TRANK1: variants seen among roughly 807,000 people sequenced by gnomAD.
TRANK1 encodes the protein TPR and ankyrin repeat-containing protein 1.
Under a neutral mutation model 266.0 loss-of-function variants are expected in TRANK1, and 198 were observed. The observed-to-expected ratio is 0.74, with a 90% confidence interval of 0.66 to 0.84. TRANK1 has a LOEUF of 0.84. TRANK1 is among the 40% of genes least tolerant of loss of function. The probability of loss-of-function intolerance (pLI) is 0.00; values close to 1 mark genes in which losing one functional copy is unlikely to be tolerated. For missense variants in TRANK1, 3,326 were observed against 3,634.6 expected (o/e 0.92, Z 2.18); for synonymous variants, 1,396 against 1,384.1 (o/e 1.01, Z -0.19).
intron 15 of TRANK1, chr3:36,851,067 T>C (rs1055420412): frequency 3.0e-6 from 3 of 985,316 alleles, no homozygotes; most frequent in Non-Finnish European, 1.2e-6. Context: ...CTACCCATAA[T>C]GAACTAAGCT....
chr3:36,897,460 C>G (rs1473320133), intron 4 of TRANK1, among the ~76,000 whole-genome samples: 1 of 152,188 alleles, frequency 6.6e-6, no homozygotes, highest in Non-Finnish European at 1.5e-5. Flanking sequence ...GACATGGCTG[C>G]ACCTGCCTCT....
chr3:36,894,713 T>C (rs1385469051), intron 5 of TRANK1, among the ~76,000 whole-genome samples: 1 of 152,190 alleles, frequency 6.6e-6, no homozygotes, highest in African/African-American at 2.4e-5. Context: ...TTGCCCAAAA[T>C]TTAAGAATTC....
intron 8 of TRANK1, among the ~76,000 whole-genome samples, chr3:36,875,928 T>C (rs553780020): frequency 6.6e-6 from 1 of 152,358 alleles, no homozygotes; most frequent in Non-Finnish European, 1.5e-5. Flanking sequence ...ATTTCCATTC[T>C]ATTAAATACA....
chr3:36,928,674 C>T (rs1032623138), intron 1 of TRANK1, among the ~76,000 whole-genome samples: 4 of 151,990 alleles, frequency 2.6e-5, no homozygotes, highest in South Asian at 2.1e-4. Context: ...ATAAGAAGAA[C>T]ATTAATTTTG....
In TRANK1 at chr3:36,833,225, A is replaced by C; in HGVS notation, c.6358T>G (p.Ser2120Ala). The change falls in exon 22 of 24, where the codon TCC (serine) becomes GCC (alanine). Residue 2120 changes from serine to alanine, a missense_variant. Ser to Ala is a moderately conservative substitution (Grantham distance 99). Transcript: ENST00000645898. ...TGGCAATACTTGGCATCCACCTGGG[A>C]AATCCCAAAAAACTCAAAGCAAGAT... ...VKSCFEFFGI[S>A]QVDAKYCQIA... 6.2e-7 allele frequency: 1 copy of C among 1,614,016 alleles called. No homozygotes were observed. The highest frequency in any genetic ancestry group is 8.5e-7 in the Non-Finnish European group (1 of 1,179,894).
intron 9 of TRANK1, among the ~76,000 whole-genome samples, chr3:36,865,914 G>A (rs957039949): frequency 2.0e-5 from 3 of 150,546 alleles, no homozygotes; most frequent in Non-Finnish European, 4.4e-5. Context: ...GGGCAACAGA[G>A]CAAGACCCTG....
chr3:36,924,342 G>A (rs2080258828), intron 1 of TRANK1, among the ~76,000 whole-genome samples: 1 of 152,140 alleles, frequency 6.6e-6, no homozygotes, highest in African/African-American at 2.4e-5. Context: ...TTTTCATCTT[G>A]GCAGGATGTC....
chr3:36,855,699 G>A lies in TRANK1; in HGVS notation c.4023C>T (p.Tyr1341=), dbSNP rs1164830208. The change falls in exon 13 of 24, where the codon TAC becomes TAT. Residue 1341 remains tyrosine, a synonymous_variant. Coordinates refer to ENST00000645898, the MANE Select transcript of TRANK1 (RefSeq NM_001329998.2). Reference sequence around the variant, plus strand: ...TTTCTTTCCAAATCAGTGCAGGGTTGTAGGCAGTCCTCCCTTTGGTCATTT... The same window carrying A: ...TTTCTTTCCAAATCAGTGCAGGGTTATAGGCAGTCCTCCCTTTGGTCATTT... The part of the protein sequence containing the change: ...WPKMTKGRTA[Y]NPALIWKEIK... The A allele has an allele frequency of 6.2e-7, 1 of 1,613,726 alleles. No homozygotes were observed. The highest frequency in any genetic ancestry group is 8.5e-7 in the Non-Finnish European group (1 of 1,179,872).
rs2079072014 is a variant in TRANK1, at chr3:36,857,366, C to T, written c.2356G>A (p.Val786Met). 7 of 1,607,924 alleles carry T rather than the reference C, an allele frequency of 4.4e-6. No individual in the cohort carries two copies. The highest frequency in any genetic ancestry group is 5.9e-6 in the Non-Finnish European group (7 of 1,177,134). ...CCCACCTGAGCATGTCCTTCCCCCACCTCACTACAGTCAGGGGCCCCTGCA... is the reference window on the plus strand; with the variant it reads ...CCCACCTGAGCATGTCCTTCCCCCATCTCACTACAGTCAGGGGCCCCTGCA... ...LGAGAPDCSE[V>M]GEGHAQVGLG... The change falls in exon 13 of 24, where the codon GTG (valine) becomes ATG (methionine). Residue 786 changes from valine (V) to methionine (M), a missense_variant. Coordinates refer to ENST00000645898, the MANE Select transcript of TRANK1 (RefSeq NM_001329998.2). This position sits in a 1 kb window ranked among gnomAD's most constrained non-coding sequence, Gnocchi z 4.3.
intron 2 of TRANK1, among the ~76,000 whole-genome samples, chr3:36,905,444 C>T (rs775501171): frequency 6.6e-6 from 1 of 152,172 alleles, no homozygotes; most frequent in Non-Finnish European, 1.5e-5. Context: ...AGCTTGCTCT[C>T]TCCTCTTTGC....
At chr3:36,934,543 A>G (rs2080398709) in intron 1 of TRANK1, among the ~76,000 whole-genome samples, 1 of 152,164 alleles carries the variant, frequency 6.6e-6, no homozygotes, top group African/African-American at 2.4e-5. Context: ...CACATTAGAC[A>G]AGGGTCTATA....
intron 9 of TRANK1, among the ~76,000 whole-genome samples, chr3:36,870,962 T>TAAAAAAA (rs563787088): frequency 1.0e-3 from 67 of 65,042 alleles, no homozygotes; most frequent in Non-Finnish European, 1.4e-3. Context: ...ACAAGGAAAC[T>TAAAAAAA]AAAAAAAAAA....
In TRANK1 at chr3:36,828,238, T is replaced by A; in HGVS notation, c.*37A>T. 1.4e-6 allele frequency: 2 copies of A among 1,466,332 alleles called. No individual in the cohort carries two copies. The highest frequency in any genetic ancestry group is 1.9e-6 in the Non-Finnish European group (2 of 1,055,226). 90.8% of individuals were successfully genotyped at this position (1,466,332 alleles called of 1,614,324 possible). A position where few individuals can be genotyped will look rare whatever the true frequency, so the allele number is the denominator to read the frequency against. ...CTCAGAATTCTAAGTCAGAATGGAA[T>A]GTTCCGAAGGATGAGGAGGCTGCAG... On this transcript the variant is annotated 3_prime_UTR_variant, in exon 24 of 24. Coordinates refer to ENST00000645898, the MANE Select transcript of TRANK1 (RefSeq NM_001329998.2).
chr3:36,854,616 G>T (rs1233677418), intron 13 of TRANK1, among the ~76,000 whole-genome samples: 1 of 152,138 alleles, frequency 6.6e-6, no homozygotes, highest in Admixed American at 6.5e-5. Flanking sequence ...TTGTAAAATG[G>T]GTCTGATGCT....
At chr3:36,922,204 A>T (rs2080225428) in intron 1 of TRANK1, among the ~76,000 whole-genome samples, 1 of 152,160 alleles carries the variant, frequency 6.6e-6, no homozygotes, top group South Asian at 2.1e-4. Context: ...GCTCTGTGAC[A>T]GTTACTATTC....
Position 36,831,075 on chromosome 3 carries a change from T to C in TRANK1, c.8508A>G (p.Lys2836=), listed in dbSNP as rs1391965969. ...CCTTCTCGTGGAAAAATTCTGAGTATTTCTGGTAGGCCACTTGCTGCCTCT... is the reference window on the plus strand; with the variant it reads ...CCTTCTCGTGGAAAAATTCTGAGTACTTCTGGTAGGCCACTTGCTGCCTCT... ...HHQRQQVAYQ[K]YSEFFHEKVD... is the part of the protein sequence containing the mutation. The change falls in exon 22 of 24, where the codon AAA becomes AAG. Residue 2836 remains lysine (K), a synonymous_variant. Transcript: ENST00000645898. The surrounding 1 kb of genome is among the most constrained non-coding windows in gnomAD (Gnocchi z 5.0). The C allele has an allele frequency of 1.2e-6, 2 of 1,613,936 alleles. No individual in the cohort carries two copies. The highest frequency in any genetic ancestry group is 1.3e-5 in the African/African-American group (1 of 75,006).
At chr3:36,854,684 C>T (rs1470974550) in intron 13 of TRANK1, among the ~76,000 whole-genome samples, 1 of 152,174 alleles carries the variant, frequency 6.6e-6, no homozygotes, top group East Asian at 1.9e-4. Flanking sequence ...TAGCATTGTG[C>T]CTGGCACAGA....
intron 2 of TRANK1, among the ~76,000 whole-genome samples, chr3:36,905,309 C>A (rs1187310648): frequency 1.3e-5 from 2 of 150,706 alleles, no homozygotes; most frequent in African/African-American, 2.4e-5. Context: ...AAAAAAAAAT[C>A]CCTGGGTTGA....
chr3:36,834,994 T>C (rs916498084), intron 20 of TRANK1, 87 bp from the exon 21 acceptor site: 6 of 1,289,370 alleles, frequency 4.7e-6, no homozygotes, highest in African/African-American at 1.5e-5. Flanking sequence ...ATAAAGAGGA[T>C]AGTCATATGT....
Sources: allele counts gnomAD v4.1 joint callset (sites outside exome capture counted in the v4.1 genomes callset), GRCh38; gene constraint gnomAD v4.1.1; non-coding constraint Gnocchi (gnomAD v3.1); transcripts MANE v1.5; gene names NCBI Gene and HGNC (gene_info 2026-07-23, HGNC 2026-07-21).